Variants in MESP1 observed in about 807,000 individuals in gnomAD.
MESP1 encodes mesoderm posterior bHLH transcription factor 1.
Under a neutral mutation model 15.2 loss-of-function variants are expected in MESP1, and 22 were observed. The ratio of observed to expected loss-of-function variants is 1.45; its 90% confidence interval spans 1.04 to 2.07. MESP1 has a LOEUF of 2.07. Ranked by LOEUF, MESP1 falls within the 30% of genes most tolerant of loss-of-function variation. The pLI, the probability that MESP1 is intolerant of heterozygous loss-of-function variation, is 0.00. For synonymous variants in MESP1, 216 were observed against 192.6 expected, an observed-to-expected ratio of 1.12 and a Z score of -1.01; for missense variants, 484 against 411.9, an observed-to-expected ratio of 1.17 and a Z score of -1.51.
At chr15:89,750,475 C>A (rs1350409045) in intron 1 of MESP1, 34 bp downstream of exon 1, 1 of 1,461,512 alleles carries the variant, frequency 6.8e-7, no homozygotes, top group Non-Finnish European at 9.0e-7. Context: ...CGCGGGGGCA[C>A]GGACGAAGGG....
downstream of MESP1, chr15:89,748,640 A>G (rs996481272): frequency 4.6e-5 from 7 of 152,254 alleles, no homozygotes; most frequent in African/African-American, 1.7e-4. Context: ...TGCTCAGTGA[A>G]AGAAGCCAGA....
At chr15:89,746,535 G>GTA (rs1967960446), downstream of MESP1, among the ~76,000 whole-genome samples, 1 of 41,918 alleles carries the variant, frequency 2.4e-5, no homozygotes, top group Non-Finnish European at 4.5e-5. Flanking sequence ...CTCCACACAC[G>GTA]CACACACAGC....
Position 89,750,802 on chromosome 15 carries a change from C to A in MESP1, c.430G>T (p.Glu144Ter), listed in dbSNP as rs1428147343. Residue 144 changes from glutamate (E) to a stop codon, truncating the protein, a stop_gained, in exon 1 of 2, where the codon GAG becomes TAG. Transcript: ENST00000300057. LOFTEE classifies it high-confidence loss of function. ...CGGCACCGGCGCTGGAGACTCTCCT[C>A]GCTGAGGCCTAGCACGGCCGACAGG... Reference protein sequence around the residue: ...GHLSAVLGLSEESLQRRCRQR... With the variant: ...GHLSAVLGLS 5 of 1,524,934 alleles carry A rather than the reference C, an allele frequency of 3.3e-6. No homozygotes were observed. The highest frequency in any genetic ancestry group is 2.0e-5 in the Admixed American group (1 of 50,622). The allele number at this position is 1,524,934 out of a possible 1,614,324, so 94.5% of individuals were successfully genotyped here.
At chr15:89,747,591 C>T (rs1310099944), downstream of MESP1, among the ~76,000 whole-genome samples, 1 of 152,132 alleles carries the variant, frequency 6.6e-6, no homozygotes, top group Non-Finnish European at 1.5e-5. Context: ...CCTGACTGGG[C>T]CTCAGGGGAG....
At chr15:89,746,364 C>T (rs1214114019), downstream of MESP1, among the ~76,000 whole-genome samples, 1 of 141,482 alleles carries the variant, frequency 7.1e-6, no homozygotes, top group African/African-American at 2.9e-5. Flanking sequence ...CACATCCACA[C>T]AGCATCCACA....
downstream of MESP1, among the ~76,000 whole-genome samples, chr15:89,747,525 C>A (rs1596144595): frequency 6.6e-6 from 1 of 152,228 alleles, no homozygotes; most frequent in African/African-American, 2.4e-5. Context: ...CAGTCCTTCT[C>A]ACTACTCCCT....
Position 89,751,012 on chromosome 15 carries a change from C to G in MESP1, c.220G>C (p.Ala74Pro). ...CCGCTGCCCAGGCGGCTGCTGCGCG[C>G]GCCGCGCCTACCTACGGAGGGGGCG... Reference protein sequence around the residue: ...PRAPSVGRRGARSSRLGSGQR... With the variant: ...PRAPSVGRRGPRSSRLGSGQR... Residue 74 changes from alanine to proline, a missense_variant, in exon 1 of 2, where the codon GCG (alanine) becomes CCG (proline). Ala to Pro is a conservative substitution (Grantham distance 27). Coordinates refer to ENST00000300057, the MANE Select transcript of MESP1 (RefSeq NM_018670.4). 1 of 1,361,278 alleles carries G rather than the reference C, an allele frequency of 7.3e-7. No individual in the cohort carries two copies. Among genetic ancestry groups the G allele is most frequent in the Non-Finnish European group, 9.4e-7 (1 of 1,064,488 alleles). The allele number at this position is 1,361,278 out of a possible 1,614,324, so 84.3% of individuals were successfully genotyped here.
At chr15:89,735,359 G>T in the MESP1 span, 2 of 771,634 alleles carry the variant, frequency 2.6e-6, no homozygotes, top group Non-Finnish European at 2.1e-6. Flanking sequence ...TTAATTTTTT[G>T]CTACTATGAA....
At chr15:89,750,431 C>T in intron 1 of MESP1, 78 bp downstream of exon 1, 3 of 1,462,648 alleles carry the variant, frequency 2.1e-6, no homozygotes, top group Non-Finnish European at 1.8e-6. Flanking sequence ...CAGCAGGGTG[C>T]CTGGTCCTCA....
chr15:89,748,215 G>A (rs550475518), downstream of MESP1, among the ~76,000 whole-genome samples: 51 of 151,420 alleles, frequency 3.4e-4, no homozygotes, highest in African/African-American at 8.8e-4. Context: ...AAGCTGTGTC[G>A]GCTCCAGAAA....
the MESP1 span, among the ~76,000 whole-genome samples, chr15:89,742,587 G>A: frequency 6.6e-6 from 1 of 152,042 alleles, no homozygotes; most frequent in Admixed American, 6.6e-5. Flanking sequence ...AGGCTGGAGT[G>A]CAATGGTGCT....
At chr15:89,748,309 G>A (rs1268799723), downstream of MESP1, among the ~76,000 whole-genome samples, 2 of 152,216 alleles carry the variant, frequency 1.3e-5, no homozygotes, top group Non-Finnish European at 2.9e-5. Flanking sequence ...ACCCGCGGAG[G>A]TGTGAGGTCC....
In MESP1 at chr15:89,750,839, G is replaced by C. The variant is rs281865536; in HGVS notation, c.393C>G (p.Arg131=). 3 of 1,533,278 alleles carry C rather than the reference G, an allele frequency of 2.0e-6. No individual in the cohort carries two copies. Among genetic ancestry groups the C allele is most frequent in the Admixed American group, 3.9e-5 (2 of 51,550 alleles). The allele number at this position is 1,533,278 out of a possible 1,614,324, so 95.0% of individuals were successfully genotyped here. A position where few individuals can be genotyped will look rare whatever the true frequency, so the allele number is the denominator to read the frequency against. ...GCACGGCCGACAGGTGGCCGATATA[G>C]CGGATAGCCAGGCGCAGCGTCTCGA... ...TKIETLRLAI[R]YIGHLSAVLG... Residue 131 remains arginine (R), a synonymous_variant, in exon 1 of 2, where the codon CGC becomes CGG. Transcript: ENST00000300057.
chr15:89,733,768 C>T, the MESP1 span, among the ~76,000 whole-genome samples: 4 of 152,274 alleles, frequency 2.6e-5, no homozygotes, highest in East Asian at 3.9e-4. Context: ...TTGGACTTCT[C>T]AGCCTCCAGA....
the MESP1 span, among the ~76,000 whole-genome samples, chr15:89,735,954 C>T: frequency 1.3e-5 from 2 of 152,100 alleles, no homozygotes; most frequent in Admixed American, 6.5e-5. Flanking sequence ...CCACGTGTCC[C>T]GGGCACTGCA....
At chr15:89,737,836 T>C in the MESP1 span, 4 of 1,496,784 alleles carry the variant, frequency 2.7e-6, no homozygotes, top group South Asian at 3.8e-5. Flanking sequence ...TGTCCCCCTC[T>C]ACCATAGGCC....
At chr15:89,744,948 C>G (rs944680400), downstream of MESP1, among the ~76,000 whole-genome samples, 3 of 152,238 alleles carry the variant, frequency 2.0e-5, no homozygotes, top group Non-Finnish European at 4.4e-5. Context: ...AGTCTCTTTC[C>G]TGAACCACTC....
the MESP1 span, chr15:89,733,159 C>G: frequency 6.2e-7 from 1 of 1,614,110 alleles, no homozygotes; most frequent in Non-Finnish European, 8.5e-7. Context: ...ACAGACGCCT[C>G]CCTCCATCTG....
the MESP1 span, among the ~76,000 whole-genome samples, chr15:89,733,747 G>T: frequency 6.6e-6 from 1 of 152,080 alleles, no homozygotes; most frequent in Non-Finnish European, 1.5e-5. Context: ...ACTAGCTGTG[G>T]ACCCTTGACC....
Sources: allele counts gnomAD v4.1 joint callset (sites outside exome capture counted in the v4.1 genomes callset), GRCh38; gene constraint gnomAD v4.1.1; transcripts MANE v1.5; gene names NCBI Gene and HGNC (gene_info 2026-07-23, HGNC 2026-07-21).